The following PTPRD variants were observed in gnomAD, a reference collection of about 807,000 sequenced individuals.
The protein encoded by PTPRD is receptor-type tyrosine-protein phosphatase delta.
PTPRD carries 34 observed loss-of-function variants against 214.5 expected under a neutral mutation model. The ratio of observed to expected loss-of-function variants is 0.16; its 90% CI spans 0.12 to 0.21. PTPRD has a LOEUF of 0.21. Ranked by LOEUF, PTPRD falls within the 10% of genes least tolerant of loss-of-function variation. PTPRD has a pLI of 1.00. For missense variants in PTPRD, 2,545 were observed against 2,398.7 expected (o/e 1.06, Z -1.27); for synonymous variants, 1,128 against 845.7 (o/e 1.33, Z -5.79).
chr9:10,432,735 G>A (rs184267060), intron 2 of PTPRD, among the ~76,000 whole-genome samples: 2 of 151,938 alleles, frequency 1.3e-5, no homozygotes, highest in Admixed American at 1.3e-4. Flanking sequence ...TGCTATATGA[G>A]GTTCTTCTGA....
At chr9:9,174,284 A>G (rs576360305) in intron 10 of PTPRD, among the ~76,000 whole-genome samples, 1 of 152,236 alleles carries the variant, frequency 6.6e-6, no homozygotes, top group Non-Finnish European at 1.5e-5. Context: ...TACAATAGTG[A>G]CTGATTAATA....
intron 3 of PTPRD, among the ~76,000 whole-genome samples, chr9:10,281,629 T>C (rs1201414825): frequency 2.0e-5 from 3 of 152,196 alleles, no homozygotes; most frequent in Non-Finnish European, 2.9e-5. Flanking sequence ...ATGTGCAAAA[T>C]TTAGACTGAG....
chr9:10,349,498 C>T (rs562715413), intron 2 of PTPRD, among the ~76,000 whole-genome samples: 19 of 152,208 alleles, frequency 1.2e-4, no homozygotes, highest in African/African-American at 4.3e-4. Context: ...CAGACACATA[C>T]ACAAAAATGC....
intron 11 of PTPRD, among the ~76,000 whole-genome samples, chr9:9,008,889 A>T (rs578050294): frequency 6.6e-6 from 1 of 152,294 alleles, no homozygotes; most frequent in African/African-American, 2.4e-5. Context: ...GTAAAGCATA[A>T]GGACAATTTT....
chr9:9,643,853 A>G (rs1001800254), intron 7 of PTPRD, among the ~76,000 whole-genome samples: 3 of 152,192 alleles, frequency 2.0e-5, no homozygotes, highest in African/African-American at 7.2e-5. Context: ...TTCTAAAAAT[A>G]TCTTTTATTT....
intron 9 of PTPRD, among the ~76,000 whole-genome samples, chr9:9,393,518 G>T (rs1043580942): frequency 3.3e-5 from 5 of 152,158 alleles, no homozygotes; most frequent in African/African-American, 1.2e-4. Flanking sequence ...ATAGTTGCAT[G>T]AGATCCCTAT....
chr9:9,682,466 G>A (rs1280575205), intron 7 of PTPRD, among the ~76,000 whole-genome samples: 1 of 151,820 alleles, frequency 6.6e-6, no homozygotes, highest in African/African-American at 2.4e-5. Context: ...AGAACAAGAA[G>A]AAAATTTGTT....
chr9:10,343,987 T>TG (rs2097004268), intron 2 of PTPRD, among the ~76,000 whole-genome samples: 1 of 138,048 alleles, frequency 7.2e-6, no homozygotes, highest in Admixed American at 7.2e-5. Flanking sequence ...AGTTTTTTTT[T>TG]TTTTTTTTTT....
chr9:9,131,607 G>A (rs2099842714), intron 10 of PTPRD, among the ~76,000 whole-genome samples: 2 of 152,110 alleles, frequency 1.3e-5, no homozygotes, highest in South Asian at 4.1e-4. Context: ...AGTACACATA[G>A]TAATAGTTAC....
At chr9:9,833,379 C>T (rs898902491) in intron 5 of PTPRD, among the ~76,000 whole-genome samples, 34 of 151,552 alleles carry the variant, frequency 2.2e-4, no homozygotes, top group African/African-American at 8.3e-4. Context: ...AGGGAGTATA[C>T]GAATAGGTGT....
intron 2 of PTPRD, among the ~76,000 whole-genome samples, chr9:10,518,120 C>T (rs1453872484): frequency 6.6e-6 from 1 of 152,120 alleles, no homozygotes; most frequent in South Asian, 2.1e-4. Flanking sequence ...CTAACTAGAA[C>T]ATAATAGCAT....
intron 3 of PTPRD, among the ~76,000 whole-genome samples, chr9:10,038,384 C>T (rs1479548501): frequency 6.6e-6 from 1 of 152,028 alleles, no homozygotes. Context: ...CCCAAAGACA[C>T]CTTTGATTCA....
intron 2 of PTPRD, among the ~76,000 whole-genome samples, chr9:10,422,985 A>G (rs992411082): frequency 2.6e-5 from 4 of 152,038 alleles, no homozygotes; most frequent in East Asian, 1.9e-4. Flanking sequence ...AAATCATGCC[A>G]CTATAAAGAC....
At chr9:10,104,642 A>G (rs1177205135) in intron 3 of PTPRD, among the ~76,000 whole-genome samples, 1 of 151,872 alleles carries the variant, frequency 6.6e-6, no homozygotes, top group Non-Finnish European at 1.5e-5. Flanking sequence ...CAGGTATGCT[A>G]TTTAAAAGTT....
At chr9:10,149,981 G>A (rs908953230) in intron 3 of PTPRD, among the ~76,000 whole-genome samples, 32 of 151,820 alleles carry the variant, frequency 2.1e-4, no homozygotes, top group African/African-American at 6.8e-4. Flanking sequence ...CACCTGCCTC[G>A]GCCTCCCAAA....
In PTPRD at chr9:9,075,540, T is replaced by C. The variant is rs193274882; in HGVS notation, c.-142-56805A>G. Among the ~76,000 whole-genome samples the C allele has an allele frequency of 2.9e-3, 443 of 152,224 alleles. 1 individual carries two copies. Among genetic ancestry groups the C allele is most frequent in the African/African-American group, 1.0e-2 (415 of 41,544 alleles). ...ACTCGTCATTTACATTAGATATATC[T>C]CCTAATGCTATCCCTCCCCCATCCC... On this transcript the variant is annotated intron_variant, in intron 10 of 45. Transcript: ENST00000381196.
chr9:9,415,021 G>A (rs759560168), intron 8 of PTPRD, among the ~76,000 whole-genome samples: 1 of 152,112 alleles, frequency 6.6e-6, no homozygotes, highest in East Asian at 1.9e-4. Flanking sequence ...TTTAACGAGA[G>A]GACTGCATTT....
intron 10 of PTPRD, among the ~76,000 whole-genome samples, chr9:9,167,001 A>G (rs1367877349): frequency 6.7e-6 from 1 of 148,248 alleles, no homozygotes; most frequent in Admixed American, 6.9e-5. Context: ...CTGTGTGCAC[A>G]GTACTAAGTC....
chr9:10,434,963 C>T (rs1397084271), intron 2 of PTPRD, among the ~76,000 whole-genome samples: 1 of 151,754 alleles, frequency 6.6e-6, no homozygotes, highest in African/African-American at 2.4e-5. Flanking sequence ...CTACCCCGAG[C>T]GCTGGACTAG....
Sources: allele counts gnomAD v4.1 joint callset (sites outside exome capture counted in the v4.1 genomes callset), GRCh38; gene constraint gnomAD v4.1.1; transcripts MANE v1.5; gene names NCBI Gene and HGNC (gene_info 2026-07-23, HGNC 2026-07-21).